MOCOS: variants seen among roughly 807,000 people sequenced by gnomAD.
MOCOS encodes molybdenum cofactor sulfurase.
In MOCOS, 86 loss-of-function variants were observed where a neutral mutation model predicts 83.6. The ratio of observed to expected loss-of-function variants is 1.03; its 90% CI spans 0.86 to 1.23. The LOEUF (loss-of-function observed/expected upper bound fraction) is 1.23, where lower values mean the gene tolerates loss of function less well. Ranked by LOEUF, MOCOS falls within the 50% of genes most tolerant of loss-of-function variation. The probability of loss-of-function intolerance (pLI) is 0.00; values close to 1 mark genes in which losing one functional copy is unlikely to be tolerated. For synonymous variants in MOCOS, 445 were observed against 434.7 expected (o/e 1.02, Z -0.29); for missense variants, 1,120 against 1,126.9 (o/e 0.99, Z 0.09).
At chr18:36,204,427 CATT>C (rs1490564076) in intron 5 of MOCOS, among the ~76,000 whole-genome samples, 5 of 152,046 alleles carry the variant, frequency 3.3e-5, no homozygotes, top group Non-Finnish European at 7.4e-5. Context: ...ATGATTTAAA[CATT>C]AATAATAAAA....
At chr18:36,251,954 C>G (rs943730236) in intron 11 of MOCOS, among the ~76,000 whole-genome samples, 17 of 152,192 alleles carry the variant, frequency 1.1e-4, no homozygotes, top group African/African-American at 4.1e-4. Flanking sequence ...TTCCCTGTCT[C>G]ATTTTTCTCA....
At chr18:36,253,433 C>T (rs4799860) in intron 11 of MOCOS, among the ~76,000 whole-genome samples, 2,374 of 152,074 alleles carry the variant, frequency 0.016, 26 homozygotes, top group Non-Finnish European at 0.023. Flanking sequence ...TTTGGGAGGC[C>T]GAGGCGGGCA....
At chr18:36,190,737 A>G (rs980914112) in intron 1 of MOCOS, among the ~76,000 whole-genome samples, 25 of 152,142 alleles carry the variant, frequency 1.6e-4, no homozygotes, top group African/African-American at 5.8e-4. Context: ...CAACAGAGTG[A>G]GACCCTGTCT....
At chr18:36,223,686 A>G (rs571123819) in intron 9 of MOCOS, among the ~76,000 whole-genome samples, 3 of 152,322 alleles carry the variant, frequency 2.0e-5, no homozygotes, top group Admixed American at 1.3e-4. Context: ...TTTGGGCTCT[A>G]TAGACATTTT....
rs77767338 is a variant in MOCOS at position 36,267,102 on chromosome 18, G to A, written c.2514+249G>A. Among the ~76,000 whole-genome samples the A allele has an allele frequency of 5.5e-3, 837 of 151,834 alleles. 9 individuals are homozygous for A. The highest frequency in any genetic ancestry group is 0.019 in the African/African-American group (801 of 41,404). ...TTTCCAATCTTGTTGAAGAGATATG[G>A]AGTACAAAAAAAACAAGTAATTCTG... On this transcript the variant is annotated intron_variant, in intron 14 of 14. Coordinates refer to ENST00000261326, the MANE Select transcript of MOCOS (RefSeq NM_017947.4).
intron 6 of MOCOS, among the ~76,000 whole-genome samples, chr18:36,212,069 C>T (rs1333315486): frequency 6.6e-6 from 1 of 152,152 alleles, no homozygotes; most frequent in Non-Finnish European, 1.5e-5. Flanking sequence ...AATTCTGAAG[C>T]CCTTCCAGCC....
intron 9 of MOCOS, among the ~76,000 whole-genome samples, chr18:36,237,517 T>G (rs573250488): frequency 6.6e-6 from 1 of 152,246 alleles, no homozygotes; most frequent in Non-Finnish European, 1.5e-5. Flanking sequence ...TTTGATGTCC[T>G]GCTGGATTTG....
Position 36,264,773 on chromosome 18 carries a change from T to TA in MOCOS, c.2410-1965dup, listed in dbSNP as rs970120899. Among the ~76,000 whole-genome samples, 450 of 146,824 alleles carry TA rather than the reference T, an allele frequency of 3.1e-3. 1 individual carries two copies. The highest frequency in any genetic ancestry group is 8.9e-3 in the African/African-American group (358 of 40,230). ...CCAGTGCAGAATGTGAGCGTCAACC[T>TA]AAAAAAAAAAATTAGAGCTTTGTAC... On this transcript the variant is annotated intron_variant, in intron 13 of 14. Coordinates refer to ENST00000261326, the MANE Select transcript of MOCOS (RefSeq NM_017947.4).
chr18:36,266,619 C>T (rs907058738), intron 13 of MOCOS, 130 bp from the exon 14 acceptor site: 16 of 748,812 alleles, frequency 2.1e-5, no homozygotes, highest in African/African-American at 8.7e-5. Context: ...CCAGCAGAGA[C>T]GGTGAACAGG....
intron 9 of MOCOS, among the ~76,000 whole-genome samples, chr18:36,238,512 T>A (rs1162255452): frequency 6.7e-6 from 1 of 148,922 alleles, no homozygotes; most frequent in Non-Finnish European, 1.5e-5. Context: ...TTTGTTATAA[T>A]TTCTGTTCTT....
intron 5 of MOCOS, among the ~76,000 whole-genome samples, chr18:36,203,664 A>T (rs900304893): frequency 2.6e-5 from 4 of 152,230 alleles, no homozygotes; most frequent in Non-Finnish European, 5.9e-5. Context: ...ATGCCTAACC[A>T]TGAGCACCCA....
chr18:36,246,447 A>G (rs28849369), intron 9 of MOCOS, among the ~76,000 whole-genome samples: 8,669 of 152,254 alleles, frequency 0.057, 835 homozygotes, highest in African/African-American at 0.2. Context: ...GGTGCTAAGA[A>G]CTGTCTGCAA....
chr18:36,262,666 A>G (rs1227695405), intron 13 of MOCOS, among the ~76,000 whole-genome samples: 1 of 151,926 alleles, frequency 6.6e-6, no homozygotes, highest in Non-Finnish European at 1.5e-5. Context: ...ACCTGGCTAA[A>G]TTTTTTATTT....
At chr18:36,235,291 C>T (rs1168732511) in intron 9 of MOCOS, among the ~76,000 whole-genome samples, 2 of 116,892 alleles carry the variant, frequency 1.7e-5, no homozygotes, top group Admixed American at 9.5e-5. Flanking sequence ...CCTCCCCCCA[C>T]CCACAACAGT....
chr18:36,194,114 T>C (rs1404580980), intron 1 of MOCOS, among the ~76,000 whole-genome samples: 1 of 152,216 alleles, frequency 6.6e-6, no homozygotes, highest in Non-Finnish European at 1.5e-5. Context: ...GAAAGTAGAT[T>C]AGTGGTTATC....
chr18:36,204,056 A>G (rs1355116885), intron 5 of MOCOS, among the ~76,000 whole-genome samples: 2 of 152,346 alleles, frequency 1.3e-5, no homozygotes, highest in African/African-American at 4.8e-5. Context: ...CTTTTTTAAA[A>G]AATAAAAATT....
intron 9 of MOCOS, among the ~76,000 whole-genome samples, chr18:36,220,506 A>G (rs1225292825): frequency 1.3e-5 from 2 of 151,998 alleles, no homozygotes; most frequent in African/African-American, 2.4e-5. Flanking sequence ...AAGACCTTGT[A>G]TCAAGGGAAA....
intron 5 of MOCOS, among the ~76,000 whole-genome samples, chr18:36,204,396 A>G (rs1188561744): frequency 1.3e-5 from 2 of 152,168 alleles, no homozygotes; most frequent in East Asian, 3.8e-4. Context: ...TGTATTCTTC[A>G]TTGCTTTGTG....
intron 14 of MOCOS, among the ~76,000 whole-genome samples, chr18:36,267,894 C>G (rs1156884022): frequency 6.6e-6 from 1 of 152,192 alleles, no homozygotes; most frequent in Admixed American, 6.5e-5. Flanking sequence ...TTTTCACCCA[C>G]ATTTGTACAA....
Sources: allele counts gnomAD v4.1 joint callset (sites outside exome capture counted in the v4.1 genomes callset), GRCh38; gene constraint gnomAD v4.1.1; transcripts MANE v1.5; gene names NCBI Gene and HGNC (gene_info 2026-07-23, HGNC 2026-07-21).